The following ATG5 variants were observed in gnomAD, a reference collection of about 807,000 sequenced individuals.
ATG5 encodes autophagy related 5, also known as autophagy protein 5.
A neutral mutation model predicts 36.5 loss-of-function variants in ATG5; 14 were observed. The observed-to-expected ratio is 0.38, with a 90% CI of 0.25 to 0.60. The LOEUF (loss-of-function observed/expected upper bound fraction) is 0.60, where lower values mean the gene tolerates loss of function less well. ATG5 is among the 20% of genes least tolerant of loss of function. The pLI, the probability that ATG5 is intolerant of heterozygous loss-of-function variation, is 0.60. For synonymous variants in ATG5, 95 were observed against 101.5 expected (o/e 0.94, Z 0.38); for missense variants, 195 against 326.7 (o/e 0.60, Z 3.11).
intron 4 of ATG5, among the ~76,000 whole-genome samples, chr6:106,280,984 T>C (rs1358235452): frequency 6.6e-6 from 1 of 151,984 alleles, no homozygotes; most frequent in East Asian, 1.9e-4. Context: ...TAAAAGGAGC[T>C]AAAAATGGCA....
intron 6 of ATG5, 66 bp downstream of exon 6, chr6:106,248,084 A>C: frequency 1.1e-5 from 13 of 1,224,684 alleles, no homozygotes; most frequent in Non-Finnish European, 1.4e-5. Context: ...GTTCTACACT[A>C]GAGTGCTTCA....
chr6:106,290,759 C>G (rs1562258769), intron 4 of ATG5, among the ~76,000 whole-genome samples: 1 of 152,158 alleles, frequency 6.6e-6, no homozygotes, highest in Non-Finnish European at 1.5e-5. Context: ...AAGCACTGGT[C>G]ATCTGGAAAT....
At chr6:106,217,220 A>G (rs1777074676) in intron 6 of ATG5, among the ~76,000 whole-genome samples, 1 of 152,200 alleles carries the variant, frequency 6.6e-6, no homozygotes, top group South Asian at 2.1e-4. Context: ...TAAAAATTGT[A>G]TAGCATCATG....
chr6:106,290,242 CTATTTTATTTTATTTTATT>C (rs1562258445), intron 4 of ATG5, among the ~76,000 whole-genome samples: 3 of 147,170 alleles, frequency 2.0e-5, no homozygotes, highest in African/African-American at 4.9e-5. Context: ...TTTTATTTAT[CTATTTTATTTTATTTTATT>C]TATTTTATTT....
At chr6:106,228,537 T>C (rs1419544612) in intron 6 of ATG5, among the ~76,000 whole-genome samples, 3 of 152,092 alleles carry the variant, frequency 2.0e-5, no homozygotes, top group Admixed American at 6.5e-5. Flanking sequence ...TTGGAATCCA[T>C]GAGGCCAAGA....
intron 1 of ATG5, among the ~76,000 whole-genome samples, chr6:106,321,579 C>T (rs1562274905): frequency 2.6e-5 from 4 of 152,102 alleles, no homozygotes; most frequent in South Asian, 4.2e-4. Context: ...AGGATGGTCT[C>T]GATCTCCTGA....
At chr6:106,265,241 C>T (rs1161406109) in intron 5 of ATG5, among the ~76,000 whole-genome samples, 1 of 148,252 alleles carries the variant, frequency 6.7e-6, no homozygotes, top group Non-Finnish European at 1.5e-5. Flanking sequence ...CAACAAAGAT[C>T]AAAAAAGACA....
intron 6 of ATG5, among the ~76,000 whole-genome samples, chr6:106,229,404 CAGACAG>C (rs927620627): frequency 3.3e-5 from 5 of 151,128 alleles, no homozygotes; most frequent in African/African-American, 7.3e-5. Context: ...CAGTGAGAGA[CAGACAG>C]AGACAGAGAG....
intron 6 of ATG5, among the ~76,000 whole-genome samples, chr6:106,224,839 C>T (rs1168956415): frequency 6.6e-6 from 1 of 152,168 alleles, no homozygotes; most frequent in African/African-American, 2.4e-5. Context: ...TGAGATCGCA[C>T]CATTGCACTC....
intron 1 of ATG5, among the ~76,000 whole-genome samples, chr6:106,320,644 A>G (rs1661220066): frequency 6.6e-6 from 1 of 151,668 alleles, no homozygotes; most frequent in Non-Finnish European, 1.5e-5. Flanking sequence ...AAAAATCCAT[A>G]AAGTGTTTGA....
intron 6 of ATG5, among the ~76,000 whole-genome samples, chr6:106,229,730 C>T (rs1178186922): frequency 6.6e-6 from 1 of 152,204 alleles, no homozygotes; most frequent in Non-Finnish European, 1.5e-5. Flanking sequence ...CCATAGCCTT[C>T]CTATCAAAAA....
intron 3 of ATG5, among the ~76,000 whole-genome samples, chr6:106,307,992 T>A (rs1166264531): frequency 1.3e-5 from 2 of 152,156 alleles, no homozygotes; most frequent in Non-Finnish European, 2.9e-5. Context: ...CCACTTAAGG[T>A]AATCATGTAT....
chr6:106,291,691 G>A (rs952265480), intron 4 of ATG5, among the ~76,000 whole-genome samples: 12 of 152,124 alleles, frequency 7.9e-5, no homozygotes, highest in Admixed American at 3.9e-4. Flanking sequence ...GAAAAGACTC[G>A]TTAGGCAATA....
intron 5 of ATG5, among the ~76,000 whole-genome samples, chr6:106,274,746 AAAAT>A (rs1286497566): frequency 1.3e-5 from 2 of 152,224 alleles, no homozygotes; most frequent in Non-Finnish European, 1.5e-5. Context: ...AGAAAGGAAT[AAAAT>A]AAAGAAGTCA....
chr6:106,284,733 T>G (rs574475833), intron 4 of ATG5, among the ~76,000 whole-genome samples: 6 of 151,744 alleles, frequency 4.0e-5, no homozygotes, highest in African/African-American at 1.2e-4. Flanking sequence ...TTTTTGTTTT[T>G]TTTTTTTGCT....
intron 6 of ATG5, among the ~76,000 whole-genome samples, chr6:106,234,496 T>G (rs191718492): frequency 2.4e-3 from 373 of 152,342 alleles, no homozygotes; most frequent in African/African-American, 8.5e-3. Context: ...TTAGCAATAC[T>G]GTAGACACAA....
intron 5 of ATG5, among the ~76,000 whole-genome samples, chr6:106,256,278 A>G (rs1377693337): frequency 6.6e-6 from 1 of 152,192 alleles, no homozygotes; most frequent in Non-Finnish European, 1.5e-5. Context: ...AGCTTTCAAA[A>G]CAAAGGGGCC....
At chr6:106,253,696 A>G (rs1778687974) in intron 5 of ATG5, among the ~76,000 whole-genome samples, 1 of 152,204 alleles carries the variant, frequency 6.6e-6, no homozygotes, top group Admixed American at 6.5e-5. Flanking sequence ...CAGCATCCAG[A>G]AAGCTCTTTT....
intron 6 of ATG5, among the ~76,000 whole-genome samples, chr6:106,235,355 G>A (rs1023350912): frequency 1.3e-5 from 2 of 152,028 alleles, no homozygotes; most frequent in South Asian, 2.1e-4. Context: ...TAATGATATC[G>A]AACGCACCCC....
Sources: allele counts gnomAD v4.1 joint callset (sites outside exome capture counted in the v4.1 genomes callset), GRCh38; gene constraint gnomAD v4.1.1; transcripts MANE v1.5; gene names NCBI Gene and HGNC (gene_info 2026-07-23, HGNC 2026-07-21).